Variants in WWC2 observed in about 807,000 individuals in gnomAD.
WWC2 encodes the protein protein WWC2.
Under a neutral mutation model 138.5 loss-of-function variants are expected in WWC2, and 101 were observed. The observed-to-expected ratio is 0.73, with a 90% CI of 0.62 to 0.86. The LOEUF is 0.86. Among genes scored for constraint, WWC2 ranks in the 40% least tolerant of loss-of-function variants. The pLI, the probability that WWC2 is intolerant of heterozygous loss-of-function variation, is 0.00. For missense variants in WWC2, 1,420 were observed against 1,419.4 expected, an observed-to-expected ratio of 1.00 and a Z score of -0.01; for synonymous variants, 558 against 538.4, an observed-to-expected ratio of 1.04 and a Z score of -0.50.
At chr4:183,130,086 T>C (rs1454648155) in intron 1 of WWC2, among the ~76,000 whole-genome samples, 1 of 151,240 alleles carries the variant, frequency 6.6e-6, no homozygotes, top group African/African-American at 2.4e-5. Flanking sequence ...ACAGTCTTGC[T>C]CTGTCGCCCA....
At chr4:183,100,876 G>A (rs1439164916) in intron 1 of WWC2, among the ~76,000 whole-genome samples, 3 of 152,226 alleles carry the variant, frequency 2.0e-5, no homozygotes, top group Non-Finnish European at 4.4e-5. Context: ...CGGTCTTGCC[G>A]CAGCCTGGCT....
At position 183,319,423 on chromosome 4, in the gene WWC2, A is replaced by G. The variant is rs1263833550; in HGVS notation, c.*3694A>G. 5.1e-6 allele frequency: 5 copies of G among 982,010 alleles called. No individual in the cohort carries two copies. The highest frequency in any genetic ancestry group is 3.4e-5 in the South Asian group (2 of 59,680). The allele number at this position is 982,010 out of a possible 1,614,324, so 60.8% of individuals were successfully genotyped here. ...GGTTTACCAGTCTTGGAAAGAAACTATAGTTTAATAGCCACAGGAAAAGAT... is the reference window on the plus strand; with the variant it reads ...GGTTTACCAGTCTTGGAAAGAAACTGTAGTTTAATAGCCACAGGAAAAGAT... On this transcript the variant is annotated 3_prime_UTR_variant, in exon 23 of 23. Transcript: ENST00000403733.
intron 1 of WWC2, among the ~76,000 whole-genome samples, chr4:183,173,607 C>G (rs6839568): frequency 0.98 from 148,223 of 151,732 alleles, 72,494 homozygotes; most frequent in Non-Finnish European, 1. Flanking sequence ...TTGTTTTGAC[C>G]AGTGGATTGC....
intron 21 of WWC2, among the ~76,000 whole-genome samples, chr4:183,296,512 A>G (rs1184545967): frequency 2.0e-5 from 3 of 152,200 alleles, no homozygotes; most frequent in Non-Finnish European, 4.4e-5. Flanking sequence ...CCTTTGTAAA[A>G]TAGTGCTTTA....
intron 9 of WWC2, among the ~76,000 whole-genome samples, chr4:183,258,226 T>G (rs889073406): frequency 6.6e-6 from 1 of 152,242 alleles, no homozygotes; most frequent in Admixed American, 6.5e-5. Flanking sequence ...TTTAATTCAG[T>G]TAGTCTACTT....
chr4:183,265,982 G>A (rs1372059614), intron 14 of WWC2, 31 bp downstream of exon 14: 1 of 1,565,430 alleles, frequency 6.4e-7, no homozygotes, highest in African/African-American at 1.3e-5. Context: ...TCAAATTGAG[G>A]AACTTAAACA....
intron 16 of WWC2, among the ~76,000 whole-genome samples, chr4:183,279,014 T>G (rs1385277123): frequency 2.0e-5 from 3 of 151,926 alleles, no homozygotes; most frequent in Non-Finnish European, 2.9e-5. Flanking sequence ...TCCAACACTG[T>G]GTTGAATAGG....
chr4:183,129,472 C>A (rs894885375), intron 1 of WWC2, among the ~76,000 whole-genome samples: 1 of 152,194 alleles, frequency 6.6e-6, no homozygotes, highest in African/African-American at 2.4e-5. Context: ...AAAGAAAGAT[C>A]AGACCTCATT....
intron 1 of WWC2, among the ~76,000 whole-genome samples, chr4:183,121,809 A>G (rs930773735): frequency 2.9e-5 from 4 of 138,150 alleles, no homozygotes; most frequent in African/African-American, 1.1e-4. Flanking sequence ...TTTTTGCGAC[A>G]GAGTCTTGCT....
rs1478814622 is a variant in WWC2, at chr4:183,277,351, G to T, written c.2563-3425G>T. Among the ~76,000 whole-genome samples the T allele has an allele frequency of 2.0e-5, 3 of 151,482 alleles. No individual in the cohort carries two copies. The East Asian group carries it at 5.8e-4, about 29-fold the overall frequency. ...CTGCGTAGTATTCCATGGTGTATAT[G>T]TGCCACATTTTCTTAATCCAGTCTA... On this transcript the variant is annotated intron_variant, in intron 16 of 22. Transcript: ENST00000403733.
At chr4:183,310,011 AAAG>A (rs1485168489) in intron 21 of WWC2, among the ~76,000 whole-genome samples, 1 of 152,220 alleles carries the variant, frequency 6.6e-6, no homozygotes, top group African/African-American at 2.4e-5. Context: ...ATTCTGGGAA[AAAG>A]AAAACTGCAG....
intron 5 of WWC2, among the ~76,000 whole-genome samples, chr4:183,241,959 T>C (rs1736636814): frequency 1.3e-5 from 2 of 152,230 alleles, no homozygotes; most frequent in African/African-American, 4.8e-5. Flanking sequence ...AGCAGTTTGC[T>C]TGCAAGCAAT....
At chr4:183,112,858 G>T (rs950041464) in intron 1 of WWC2, among the ~76,000 whole-genome samples, 1 of 152,076 alleles carries the variant, frequency 6.6e-6, no homozygotes, top group Non-Finnish European at 1.5e-5. Context: ...TGAAGATCTG[G>T]GGGGAAGAGT....
chr4:183,191,194 T>C lies in WWC2; in HGVS notation c.132-2405T>C, dbSNP rs145085561. Among the ~76,000 whole-genome samples the C allele has an allele frequency of 7.3e-3, 1,112 of 152,288 alleles. 19 individuals carry two copies. Among genetic ancestry groups the C allele is most frequent in the African/African-American group, 0.025 (1,048 of 41,554 alleles). ...AGGAATTTTTGATATGGTATCTCAC[T>C]CTTTGTCAAAAGAAAAATCAATTTT... is the stretch of plus-strand genomic sequence containing the variant. On this transcript the variant is annotated intron_variant, in intron 1 of 22. Coordinates refer to ENST00000403733, the MANE Select transcript of WWC2 (RefSeq NM_024949.6).
In WWC2 at chr4:183,259,631, C is replaced by A. The variant is rs1425275710; in HGVS notation, c.1197-8C>A. On this transcript the variant is annotated splice_polypyrimidine_tract_variant and splice_region_variant and intron_variant, in intron 9 of 22. Coordinates refer to ENST00000403733, the MANE Select transcript of WWC2 (RefSeq NM_024949.6). ...TAATCATTTGAAAATAATTTTTTTT[C>A]TTCCTAGATTGAGATTGGAAGAGAG... The A allele has an allele frequency of 2.0e-6, 3 of 1,501,322 alleles. No individual in the cohort carries two copies. The highest frequency in any genetic ancestry group is 2.7e-6 in the Non-Finnish European group (3 of 1,124,424). 93.0% of individuals were successfully genotyped at this position (1,501,322 alleles called of 1,614,324 possible). A position where few individuals can be genotyped will look rare whatever the true frequency, so the allele number is the denominator to read the frequency against.
intron 1 of WWC2, among the ~76,000 whole-genome samples, chr4:183,106,895 A>G (rs1477985791): frequency 6.6e-6 from 1 of 152,052 alleles, no homozygotes; most frequent in African/African-American, 2.4e-5. Flanking sequence ...TCCCTGTACA[A>G]TTTTTGTATG....
At chr4:183,212,284 C>G (rs889247876) in intron 4 of WWC2, among the ~76,000 whole-genome samples, 1 of 152,026 alleles carries the variant, frequency 6.6e-6, no homozygotes, top group Non-Finnish European at 1.5e-5. Flanking sequence ...GTTTGGATTT[C>G]TTTATTTATG....
Position 183,312,323 on chromosome 4 carries a change from T to G in WWC2, c.3385-18T>G. ...TCAGTGTTTTGTGTGTTTCTTACAT[T>G]TTTATTCCCTTTTCCAGGCTGAACA... On this transcript the variant is annotated intron_variant, in intron 21 of 22. Transcript: ENST00000403733. 1.9e-6 allele frequency: 3 copies of G among 1,610,870 alleles called. No individual in the cohort carries two copies. The highest frequency in any genetic ancestry group is 1.7e-6 in the Non-Finnish European group (2 of 1,178,158).
Position 183,265,711 on chromosome 4 carries a change from C to T in WWC2, c.2063C>T (p.Thr688Ile). Residue 688 changes from threonine (T) to isoleucine (I), a missense_variant, in exon 13 of 23, where the codon ACA becomes ATA. Transcript: ENST00000403733. ...VKQPSEMEDVTYSEEDVAIVE... is the reference protein window; with the variant it reads ...VKQPSEMEDVIYSEEDVAIVE... The stretch of plus-strand genomic sequence containing the variant: ...AGACCTAGTGAAATGGAAGATGTCA[C>T]ATACAGTGAAGAGGATGTAGCCATT... 6.2e-7 allele frequency: 1 copy of T among 1,611,638 alleles called. No individual in the cohort carries two copies. The highest frequency in any genetic ancestry group is 8.5e-7 in the Non-Finnish European group (1 of 1,178,956).
Sources: allele counts gnomAD v4.1 joint callset (sites outside exome capture counted in the v4.1 genomes callset), GRCh38; gene constraint gnomAD v4.1.1; transcripts MANE v1.5; gene names NCBI Gene and HGNC (gene_info 2026-07-23, HGNC 2026-07-21).